Variants in TMEM232 observed in about 807,000 individuals in gnomAD.
TMEM232 encodes the protein transmembrane protein 232.
A neutral mutation model predicts 78.8 loss-of-function variants in TMEM232; 80 were observed. That is an observed-to-expected ratio of 1.01 (90% CI 0.85 to 1.22). The LOEUF (loss-of-function observed/expected upper bound fraction) is 1.22. Ranked by LOEUF, TMEM232 falls within the 50% of genes most tolerant of loss-of-function variation. The pLI, the probability that TMEM232 is intolerant of heterozygous loss-of-function variation, is 0.00. For missense variants in TMEM232, 881 were observed against 742.2 expected (o/e 1.19, Z -2.17); for synonymous variants, 297 against 254.3 (o/e 1.17, Z -1.60).
chr5:110,407,417 GA>G (rs1341013014), intron 2 of TMEM232, among the ~76,000 whole-genome samples: 1 of 152,064 alleles, frequency 6.6e-6, no homozygotes, highest in Non-Finnish European at 1.5e-5. Flanking sequence ...ACAAATCTAT[GA>G]TTATAAAGAG....
At chr5:110,704,140 G>T (rs1795695892) in intron 1 of TMEM232, among the ~76,000 whole-genome samples, 1 of 151,968 alleles carries the variant, frequency 6.6e-6, no homozygotes, top group African/African-American at 2.4e-5. Context: ...GCACTGCTGA[G>T]CAATAAAGGT....
chr5:110,497,850 C>G (rs576009074), intron 12 of TMEM232, among the ~76,000 whole-genome samples: 2 of 152,066 alleles, frequency 1.3e-5, no homozygotes, highest in South Asian at 4.2e-4. Context: ...TTGGATGAGG[C>G]CATCTGATAC....
At chr5:110,695,546 A>G (rs192301520) in intron 1 of TMEM232, among the ~76,000 whole-genome samples, 1,791 of 152,332 alleles carry the variant, frequency 0.012, 45 homozygotes, top group African/African-American at 0.04. Context: ...CAAAATTGAT[A>G]GACTGCTAGC....
chr5:110,583,600 A>G (rs1778446219), intron 10 of TMEM232, among the ~76,000 whole-genome samples: 1 of 151,960 alleles, frequency 6.6e-6, no homozygotes, highest in Admixed American at 6.6e-5. Flanking sequence ...ATAACACCAA[A>G]AGCACAGGCA....
At chr5:110,439,527 C>T (rs1758799167) in intron 12 of TMEM232, among the ~76,000 whole-genome samples, 1 of 151,900 alleles carries the variant, frequency 6.6e-6, no homozygotes, top group African/African-American at 2.4e-5. Context: ...GGGCTTCTGC[C>T]ATTCCTAGTG....
intron 1 of TMEM232, among the ~76,000 whole-genome samples, chr5:110,694,858 C>T (rs928221418): frequency 6.6e-5 from 10 of 152,072 alleles, no homozygotes; most frequent in African/African-American, 2.2e-4. Context: ...TAATGGGAGA[C>T]TTTAACACCC....
At chr5:110,611,057 A>C (rs1782212041) in intron 8 of TMEM232, among the ~76,000 whole-genome samples, 1 of 152,128 alleles carries the variant, frequency 6.6e-6, no homozygotes, top group South Asian at 2.1e-4. Flanking sequence ...AACAAAAATA[A>C]TTTTATAAAT....
intron 1 of TMEM232, among the ~76,000 whole-genome samples, chr5:110,694,445 T>C (rs1023176918): frequency 3.3e-5 from 5 of 152,042 alleles, no homozygotes; most frequent in Non-Finnish European, 2.9e-5. Flanking sequence ...ATCAAATTCA[T>C]ACATAACAAT....
intron 1 of TMEM232, among the ~76,000 whole-genome samples, chr5:110,710,660 T>A (rs1003961437): frequency 6.6e-6 from 1 of 152,118 alleles, no homozygotes; most frequent in Non-Finnish European, 1.5e-5. Context: ...ATTATTTCAA[T>A]TGGTGAGATG....
chr5:110,648,619 T>TA (rs907768273), intron 2 of TMEM232, among the ~76,000 whole-genome samples: 48 of 151,916 alleles, frequency 3.2e-4, no homozygotes, highest in Non-Finnish European at 5.2e-4. Flanking sequence ...TCCATTCCCC[T>TA]AAAAAAATAG....
At chr5:110,610,677 G>T (rs1041138160) in intron 8 of TMEM232, 1 of 392,942 alleles carries the variant, frequency 2.5e-6, no homozygotes, top group African/African-American at 2.1e-5. Context: ...ATTCTGGACT[G>T]AAAATTAAAC....
intron 11 of TMEM232, among the ~76,000 whole-genome samples, chr5:110,530,983 G>T (rs1201880679): frequency 6.6e-6 from 1 of 152,074 alleles, no homozygotes; most frequent in African/African-American, 2.4e-5. Flanking sequence ...CCTGTGACCT[G>T]CCCGTACACA....
chr5:110,404,302 A>T (rs921336053), intron 2 of TMEM232, among the ~76,000 whole-genome samples: 3 of 152,082 alleles, frequency 2.0e-5, no homozygotes, highest in Non-Finnish European at 4.4e-5. Context: ...CTGTGTTGTT[A>T]GGACATTTTA....
At chr5:110,467,288 G>C (rs1274925610) in intron 12 of TMEM232, among the ~76,000 whole-genome samples, 1 of 152,144 alleles carries the variant, frequency 6.6e-6, no homozygotes, top group Non-Finnish European at 1.5e-5. Context: ...TGTCAGTTCT[G>C]CCTGCAGAAT....
At chr5:110,707,583 G>C (rs2150300417) in intron 1 of TMEM232, among the ~76,000 whole-genome samples, 1 of 152,322 alleles carries the variant, frequency 6.6e-6, no homozygotes, top group Non-Finnish European at 1.5e-5. Context: ...GGTAGTCATG[G>C]ACACAAAGAC....
chr5:110,570,878 T>A (rs1776865112), intron 10 of TMEM232, among the ~76,000 whole-genome samples: 1 of 151,992 alleles, frequency 6.6e-6, no homozygotes, highest in African/African-American at 2.4e-5. Flanking sequence ...TAATATGACA[T>A]CATTTTGGAA....
At chr5:110,397,767 T>C (rs1755444868) in intron 3 of TMEM232, 1 of 152,608 alleles carries the variant, frequency 6.6e-6, no homozygotes, top group Admixed American at 6.6e-5. Context: ...ATTTTTTGGC[T>C]CTTACAGAGG....
chr5:110,670,907 T>C (rs549849441), intron 1 of TMEM232, among the ~76,000 whole-genome samples: 4 of 152,198 alleles, frequency 2.6e-5, no homozygotes, highest in African/African-American at 9.6e-5. Flanking sequence ...GGAGATAATT[T>C]GGTAAATCTA....
intron 12 of TMEM232, among the ~76,000 whole-genome samples, chr5:110,450,436 A>G (rs1001413544): frequency 6.6e-6 from 1 of 151,934 alleles, no homozygotes; most frequent in African/African-American, 2.4e-5. Flanking sequence ...TTTGAAATAT[A>G]ACCTCCTAAA....
Sources: gnomAD v4.1 joint callset for allele counts (sites outside exome capture counted in the v4.1 genomes callset) on GRCh38, gnomAD v4.1.1 for gene constraint, MANE v1.5 for transcripts, NCBI Gene and HGNC (gene_info 2026-07-23, HGNC 2026-07-21) for gene names.